Variants in CAPN13 observed in about 807,000 individuals in gnomAD.
CAPN13 encodes the protein calpain 13.
In CAPN13, 90 loss-of-function variants were observed where a neutral mutation model predicts 98.4. The ratio of observed to expected loss-of-function variants is 0.92; its 90% CI spans 0.77 to 1.09. The LOEUF is 1.09. Ranked by LOEUF, CAPN13 falls within the 50% of genes least tolerant of loss-of-function variation. The pLI is 0.00. For missense variants in CAPN13, 887 were observed against 841.3 expected, an observed-to-expected ratio of 1.05 and a Z score of -0.67; for synonymous variants, 330 against 305.5, an observed-to-expected ratio of 1.08 and a Z score of -0.84.
In CAPN13 at chr2:30,751,155, G is replaced by C; in HGVS notation, c.1184C>G (p.Ser395Ter). 6.2e-7 allele frequency: 1 copy of C among 1,613,910 alleles called. No individual in the cohort carries two copies. Among genetic ancestry groups the C allele is most frequent in the Non-Finnish European group, 8.5e-7 (1 of 1,179,832 alleles). The change falls in exon 11 of 23, where the codon TCA becomes TGA. Residue 395 changes from serine to a stop codon, truncating the protein, a stop_gained. Transcript: ENST00000295055. LOFTEE classifies it high-confidence loss of function. ...VVCVTVAVTP[S>*]NLKAEDAKFP... ...TTTTGCATCTTCTGCTTTCAAATTTGATGGTGTGACAGCAACTGTGACGCA... is the reference window on the plus strand; with the variant it reads ...TTTTGCATCTTCTGCTTTCAAATTTCATGGTGTGACAGCAACTGTGACGCA...
intron 1 of CAPN13, 93 bp downstream of exon 1, chr2:30,807,209 A>G (rs748018947): frequency 2.6e-5 from 4 of 152,232 alleles, no homozygotes; most frequent in Non-Finnish European, 5.9e-5. Flanking sequence ...CAGAAGCGAC[A>G]TCATGAAGCT....
Position 30,736,533 on chromosome 2 carries a change from C to T in CAPN13, c.1692G>A (p.Ala564=), listed in dbSNP as rs774752835. The change falls in exon 18 of 23, where the codon GCG becomes GCA. Residue 564 remains alanine (A), a synonymous_variant. Transcript: ENST00000295055. ...VNGRLDQEEF[A]RLWKRLVHYQ... ...AGTGAACAAGGCGCTTCCACAGTCG[C>T]GCAAACTCCTCTTGGTCTAGCCGCC... The T allele has an allele frequency of 1.1e-5, 18 of 1,613,890 alleles. No homozygotes were observed. Among genetic ancestry groups the T allele is most frequent in the East Asian group, 8.9e-5 (4 of 44,892 alleles).
At chr2:30,763,222 C>G (rs1672936215) in intron 6 of CAPN13, 66 bp from the exon 7 acceptor site, 1 of 1,418,962 alleles carries the variant, frequency 7.0e-7, no homozygotes, top group Non-Finnish European at 9.8e-7. Context: ...TAGAAAAACA[C>G]AGTCCAAACA....
chr2:30,803,091 T>C (rs1215778254), intron 1 of CAPN13, among the ~76,000 whole-genome samples: 5 of 152,216 alleles, frequency 3.3e-5, no homozygotes, highest in African/African-American at 1.2e-4. Context: ...CTTAAGTTCC[T>C]GCAGAAAGCT....
intron 7 of CAPN13, among the ~76,000 whole-genome samples, chr2:30,760,887 C>G (rs1294307670): frequency 6.6e-6 from 1 of 152,248 alleles, no homozygotes; most frequent in African/African-American, 2.4e-5. Flanking sequence ...GCCTCTGACC[C>G]TGCTCAGTGC....
intron 10 of CAPN13, among the ~76,000 whole-genome samples, chr2:30,751,869 G>C (rs1474194): frequency 1.3e-5 from 2 of 152,092 alleles, no homozygotes; most frequent in African/African-American, 4.8e-5. Flanking sequence ...GCGAGGACTG[G>C]AGAAGATGGT....
intron 8 of CAPN13, among the ~76,000 whole-genome samples, chr2:30,756,898 C>A (rs1348517147): frequency 6.6e-6 from 1 of 152,172 alleles, no homozygotes; most frequent in East Asian, 1.9e-4. Context: ...GCTTACCTCG[C>A]CCTCCATCCC....
intron 1 of CAPN13, among the ~76,000 whole-genome samples, chr2:30,791,171 CAG>C (rs952673884): frequency 6.6e-6 from 1 of 152,164 alleles, no homozygotes; most frequent in African/African-American, 2.4e-5. Flanking sequence ...GTAAGGTTCT[CAG>C]AGAATAGACA....
rs563774714 is a variant in CAPN13, at chr2:30,799,300, TGTAA to T, written c.-33+7998_-33+8001del. ...TTCTCAAAGAGCTTATGTGAGATGG[TGTAA>T]GTGTGAGAATGAGCTTAAACATCGG... On this transcript the variant is annotated intron_variant, in intron 1 of 22. Coordinates refer to ENST00000295055, the MANE Select transcript of CAPN13 (RefSeq NM_144575.3). Among the ~76,000 whole-genome samples the T allele has an allele frequency of 2.0e-3, 308 of 152,222 alleles. 1 individual carries two copies. Among genetic ancestry groups the T allele is most frequent in the African/African-American group, 5.7e-3 (237 of 41,528 alleles).
chr2:30,730,131 G>T (rs922611887), intron 22 of CAPN13, among the ~76,000 whole-genome samples: 1 of 152,168 alleles, frequency 6.6e-6, no homozygotes, highest in Non-Finnish European at 1.5e-5. Context: ...CTGTCCTAAA[G>T]AATTCTAGAA....
At chr2:30,759,150 C>CCTTCT (rs111480023) in intron 7 of CAPN13, among the ~76,000 whole-genome samples, 10 of 134,254 alleles carry the variant, frequency 7.4e-5, no homozygotes, top group South Asian at 2.5e-4. Flanking sequence ...TCTTCCCCTT[C>CCTTCT]CTTTTTTCCT....
intron 8 of CAPN13, among the ~76,000 whole-genome samples, chr2:30,757,080 C>G (rs1205704270): frequency 6.6e-6 from 1 of 152,184 alleles, no homozygotes; most frequent in African/African-American, 2.4e-5. Context: ...GTGTGCTGGG[C>G]TCGTTCCTGT....
At position 30,763,197 on chromosome 2, in the gene CAPN13, G is replaced by A. The variant is rs769991115; in HGVS notation, c.700-41C>T. 3.2e-6 allele frequency: 5 copies of A among 1,559,404 alleles called. No individual in the cohort carries two copies. In the East Asian group the frequency reaches 1.1e-4, roughly 36 times the overall value. ...GCAGATCAAACATTAGACATCTACA[G>A]GTTCTTCAAAGAAATAGAAAAACAC... On this transcript the variant is annotated intron_variant, in intron 6 of 22. Coordinates refer to ENST00000295055, the MANE Select transcript of CAPN13 (RefSeq NM_144575.3).
intron 18 of CAPN13, among the ~76,000 whole-genome samples, chr2:30,736,276 C>T (rs1234611183): frequency 6.6e-6 from 1 of 152,086 alleles, no homozygotes; most frequent in Non-Finnish European, 1.5e-5. Context: ...ACAGCATTCT[C>T]CTCCCACCTC....
intron 8 of CAPN13, among the ~76,000 whole-genome samples, chr2:30,755,579 C>T (rs991362155): frequency 3.9e-5 from 6 of 152,078 alleles, no homozygotes; most frequent in African/African-American, 1.4e-4. Context: ...CAGAAGGGAG[C>T]AGCTGCTCCT....
At chr2:30,733,242 G>A (rs538855860) in intron 19 of CAPN13, among the ~76,000 whole-genome samples, 1 of 152,252 alleles carries the variant, frequency 6.6e-6, no homozygotes, top group South Asian at 2.1e-4. Context: ...AAGCCTGGTG[G>A]CCCATGAGCC....
At chr2:30,778,177 A>G (rs1673798078) in intron 2 of CAPN13, among the ~76,000 whole-genome samples, 1 of 152,128 alleles carries the variant, frequency 6.6e-6, no homozygotes, top group Admixed American at 6.5e-5. Context: ...TGGGTAACTC[A>G]CAGACCGGGT....
chr2:30,786,492 T>G (rs1674289139), intron 2 of CAPN13, among the ~76,000 whole-genome samples: 1 of 152,188 alleles, frequency 6.6e-6, no homozygotes, highest in Non-Finnish European at 1.5e-5. Flanking sequence ...AGGGCTCACC[T>G]GGCTGCAAGG....
rs747217841 is a variant in CAPN13 at position 30,742,402 on chromosome 2, C to A, written c.1446-43G>T. The A allele has an allele frequency of 4.4e-6, 7 of 1,588,494 alleles. No homozygotes were observed. In the South Asian group the frequency reaches 6.9e-5, roughly 16 times the overall value. ...AGTGTGACAAAGATGACCAGCTCACCACTCAAAGGGGGCCTGCATATAGAG... is the reference window on the plus strand; with the variant it reads ...AGTGTGACAAAGATGACCAGCTCACAACTCAAAGGGGGCCTGCATATAGAG... On this transcript the variant is annotated intron_variant, in intron 13 of 22. Transcript: ENST00000295055.
Sources: gnomAD v4.1 joint callset for allele counts (sites outside exome capture counted in the v4.1 genomes callset) on GRCh38, gnomAD v4.1.1 for gene constraint, MANE v1.5 for transcripts, NCBI Gene and HGNC (gene_info 2026-07-23, HGNC 2026-07-21) for gene names.